Variants in GRIN2B observed in about 807,000 individuals in gnomAD.
GRIN2B encodes the protein glutamate receptor ionotropic, NMDA 2B.
A neutral mutation model predicts 114.5 loss-of-function variants in GRIN2B; 5 were observed. The observed-to-expected ratio is 0.04, with a 90% CI of 0.02 to 0.09. The LOEUF (loss-of-function observed/expected upper bound fraction) is 0.09. Ranked by LOEUF, GRIN2B falls within the 10% of genes least tolerant of loss-of-function variation. GRIN2B has a pLI of 1.00. For synonymous variants in GRIN2B, 787 were observed against 745.1 expected (o/e 1.06, Z -0.92); for missense variants, 1,108 against 1,943.5 (o/e 0.57, Z 8.08).
At chr12:13,970,531 T>C (rs978123563) in intron 2 of GRIN2B, among the ~76,000 whole-genome samples, 84 of 152,212 alleles carry the variant, frequency 5.5e-4, no homozygotes, top group Admixed American at 5.2e-3. Context: ...GCACTGACCA[T>C]GTGCAGAGAG....
chr12:13,768,917 C>T (rs990071458), intron 3 of GRIN2B, among the ~76,000 whole-genome samples: 2 of 151,992 alleles, frequency 1.3e-5, no homozygotes, highest in Non-Finnish European at 2.9e-5. Context: ...GCCGGTAGCC[C>T]CAGCTACTCA....
chr12:13,865,404 G>T (rs1325819334), intron 3 of GRIN2B, among the ~76,000 whole-genome samples: 2 of 152,218 alleles, frequency 1.3e-5, no homozygotes, highest in Non-Finnish European at 2.9e-5. Context: ...GGCTGAGGCA[G>T]GTGGATCACC....
chr12:13,797,029 T>C (rs1399403352), intron 3 of GRIN2B, among the ~76,000 whole-genome samples: 1 of 152,172 alleles, frequency 6.6e-6, no homozygotes, highest in Non-Finnish European at 1.5e-5. Context: ...AAGAAATAAA[T>C]AGATGATTAA....
intron 3 of GRIN2B, among the ~76,000 whole-genome samples, chr12:13,844,998 A>T (rs575865841): frequency 6.6e-6 from 1 of 152,176 alleles, no homozygotes; most frequent in African/African-American, 2.4e-5. Flanking sequence ...CTGTACACGA[A>T]TTTCTCTGCA....
chr12:13,637,140 T>A (rs1455616696), intron 5 of GRIN2B, among the ~76,000 whole-genome samples: 1 of 152,150 alleles, frequency 6.6e-6, no homozygotes, highest in South Asian at 2.1e-4. Context: ...ATTTAGAATA[T>A]TTTGCAAGTT....
intron 5 of GRIN2B, among the ~76,000 whole-genome samples, chr12:13,660,220 G>A (rs1949908101): frequency 6.6e-6 from 1 of 152,082 alleles, no homozygotes; most frequent in South Asian, 2.1e-4. Flanking sequence ...CCCATAACTG[G>A]GGGAGAGGAC....
chr12:13,695,362 C>T (rs1180755278), intron 4 of GRIN2B, among the ~76,000 whole-genome samples: 3 of 152,104 alleles, frequency 2.0e-5, no homozygotes, highest in Admixed American at 6.5e-5. Context: ...GAGAGGAAAA[C>T]CCCATGAAAA....
At chr12:13,957,654 C>A (rs1046763675) in intron 2 of GRIN2B, among the ~76,000 whole-genome samples, 16 of 152,094 alleles carry the variant, frequency 1.1e-4, no homozygotes, top group African/African-American at 3.9e-4. Flanking sequence ...GGGAAGAGAC[C>A]CACCCAGGAG....
At chr12:13,680,789 T>A (rs1213272137) in intron 4 of GRIN2B, among the ~76,000 whole-genome samples, 1 of 152,102 alleles carries the variant, frequency 6.6e-6, no homozygotes, top group Non-Finnish European at 1.5e-5. Context: ...CAGATGTGCA[T>A]TTTAGCATTC....
At chr12:13,952,011 G>A (rs1867491067) in intron 2 of GRIN2B, among the ~76,000 whole-genome samples, 1 of 151,902 alleles carries the variant, frequency 6.6e-6, no homozygotes. Flanking sequence ...ATCAAAAGTG[G>A]ATCTGTGTAT....
intron 2 of GRIN2B, among the ~76,000 whole-genome samples, chr12:13,881,711 A>G (rs1009189806): frequency 6.6e-6 from 1 of 152,144 alleles, no homozygotes; most frequent in Non-Finnish European, 1.5e-5. Context: ...CAATATCCTA[A>G]TATTTTCCAA....
At chr12:13,922,224 G>C (rs1375480227) in intron 2 of GRIN2B, among the ~76,000 whole-genome samples, 1 of 152,172 alleles carries the variant, frequency 6.6e-6, no homozygotes, top group East Asian at 1.9e-4. Flanking sequence ...ATGGTTCAGA[G>C]AGCACTAAAG....
intron 4 of GRIN2B, among the ~76,000 whole-genome samples, chr12:13,729,983 ATTTTTT>A (rs5796557): frequency 7.0e-6 from 1 of 142,432 alleles, no homozygotes; most frequent in African/African-American, 2.6e-5. Context: ...ATATACACCT[ATTTTTT>A]TTTTTTTTTT....
At chr12:13,602,288 T>G (rs1447413585) in intron 10 of GRIN2B, among the ~76,000 whole-genome samples, 1 of 152,170 alleles carries the variant, frequency 6.6e-6, no homozygotes, top group Non-Finnish European at 1.5e-5. Flanking sequence ...TACCCTTACA[T>G]TTTGCTCAGC....
intron 3 of GRIN2B, among the ~76,000 whole-genome samples, chr12:13,758,513 G>C (rs1347364933): frequency 6.6e-6 from 1 of 152,148 alleles, no homozygotes; most frequent in Non-Finnish European, 1.5e-5. Flanking sequence ...GGCATTATTG[G>C]GCTCAATATA....
At chr12:13,808,403 A>T (rs900008219) in intron 3 of GRIN2B, among the ~76,000 whole-genome samples, 1 of 152,174 alleles carries the variant, frequency 6.6e-6, no homozygotes, top group African/African-American at 2.4e-5. Flanking sequence ...GGAGCAACTC[A>T]GGGCAGATCC....
chr12:13,567,643 G>C (rs1330330766), intron 12 of GRIN2B, among the ~76,000 whole-genome samples: 1 of 152,140 alleles, frequency 6.6e-6, no homozygotes, highest in Admixed American at 6.5e-5. Context: ...GGCATGGCCA[G>C]TGGGTTTTCG....
At chr12:13,645,654 C>A (rs1356461014) in intron 5 of GRIN2B, among the ~76,000 whole-genome samples, 1 of 151,754 alleles carries the variant, frequency 6.6e-6, no homozygotes, top group Non-Finnish European at 1.5e-5. Context: ...TAAACAATTT[C>A]TTTCTCCTCC....
chr12:13,539,285 G>C lies in GRIN2B; in HGVS notation c.*23498C>G, dbSNP rs561628393. On this transcript the variant is annotated 3_prime_UTR_variant, in exon 14 of 14. Coordinates refer to ENST00000609686, the MANE Select transcript of GRIN2B (RefSeq NM_000834.5). ...ACCCAGGCTCCTTGGCCATGAGACA[G>C]AGTTCTTCTAAATGGTCTCTAGAAG... 3 of 152,350 alleles carry C rather than the reference G, an allele frequency of 2.0e-5. No homozygotes were observed. In the South Asian group the frequency reaches 6.2e-4, roughly 32 times the overall value. 9.4% of individuals were successfully genotyped at this position (152,350 alleles called of 1,614,324 possible). A position where few individuals can be genotyped will look rare whatever the true frequency, so the allele number is the denominator to read the frequency against.
Sources: allele counts gnomAD v4.1 joint callset (sites outside exome capture counted in the v4.1 genomes callset), GRCh38; gene constraint gnomAD v4.1.1; transcripts MANE v1.5; gene names NCBI Gene and HGNC (gene_info 2026-07-23, HGNC 2026-07-21).